The following SYNDIG1 variants were observed in gnomAD, a reference collection of about 807,000 sequenced individuals.
The protein encoded by SYNDIG1 is synapse differentiation inducing 1.
SYNDIG1 carries 9 observed loss-of-function variants against 19.4 expected under a neutral mutation model. The ratio of observed to expected loss-of-function variants is 0.46; its 90% CI spans 0.28 to 0.81. The LOEUF is 0.81. Ranked by LOEUF, SYNDIG1 falls within the 30% of genes least tolerant of loss-of-function variation. The pLI is 0.12. For missense variants in SYNDIG1, 311 were observed against 343.3 expected (o/e 0.91, Z 0.74); for synonymous variants, 141 against 145.9 (o/e 0.97, Z 0.24).
At chr20:24,537,124 G>A (rs949034539) in intron 1 of SYNDIG1, among the ~76,000 whole-genome samples, 3 of 151,824 alleles carry the variant, frequency 2.0e-5, no homozygotes, top group South Asian at 2.1e-4. Context: ...AATGAGACCC[G>A]CCCCTCCTAA....
At chr20:24,587,222 G>A (rs2058431718) in intron 3 of SYNDIG1, among the ~76,000 whole-genome samples, 1 of 152,210 alleles carries the variant, frequency 6.6e-6, no homozygotes, top group East Asian at 1.9e-4. Flanking sequence ...GGAGCTCTCA[G>A]GGCCGCTGGC....
intron 3 of SYNDIG1, among the ~76,000 whole-genome samples, chr20:24,654,236 G>A (rs1370775728): frequency 7.9e-5 from 12 of 151,744 alleles, no homozygotes. Flanking sequence ...TGACACTTGA[G>A]AGCGCCTCTA....
At chr20:24,580,433 C>T (rs562585296) in intron 2 of SYNDIG1, among the ~76,000 whole-genome samples, 39 of 152,196 alleles carry the variant, frequency 2.6e-4, no homozygotes, top group African/African-American at 8.2e-4. Context: ...ATTTTTGAGA[C>T]GGAGCCTCAC....
At chr20:24,582,421 C>A (rs777737854) in intron 2 of SYNDIG1, among the ~76,000 whole-genome samples, 25 of 146,084 alleles carry the variant, frequency 1.7e-4, no homozygotes, top group Non-Finnish European at 3.3e-4. Flanking sequence ...GCTGCACATC[C>A]TTTACCCTGC....
intron 1 of SYNDIG1, among the ~76,000 whole-genome samples, chr20:24,540,851 G>A (rs559981450): frequency 9.3e-4 from 141 of 152,238 alleles, no homozygotes; most frequent in African/African-American, 3.1e-3. Context: ...ATATGGGTCT[G>A]TAATGTTCCT....
intron 1 of SYNDIG1, among the ~76,000 whole-genome samples, chr20:24,476,662 TC>T (rs1205363332): frequency 1.3e-5 from 2 of 149,506 alleles, no homozygotes; most frequent in Non-Finnish European, 3.0e-5. Context: ...AGAGCAAGAC[TC>T]CAACTAAAAA....
intron 1 of SYNDIG1, among the ~76,000 whole-genome samples, chr20:24,531,617 TTA>T (rs2057261658): frequency 8.3e-6 from 1 of 120,460 alleles, no homozygotes; most frequent in South Asian, 2.9e-4. Context: ...CTATTAAACA[TTA>T]GAGACAATTT....
intron 1 of SYNDIG1, among the ~76,000 whole-genome samples, chr20:24,475,661 GTA>G (rs1236591137): frequency 6.6e-6 from 1 of 152,194 alleles, no homozygotes; most frequent in East Asian, 1.9e-4. Context: ...TGGAAACCCT[GTA>G]TTTGTGAGGA....
chr20:24,656,295 A>G (rs944194846), intron 3 of SYNDIG1, among the ~76,000 whole-genome samples: 2 of 152,238 alleles, frequency 1.3e-5, no homozygotes, highest in Non-Finnish European at 2.9e-5. Context: ...GTGTGTGACC[A>G]TTTACTGCTA....
rs997356698 is a variant in SYNDIG1 at position 24,580,629 on chromosome 20, G to A, written c.481-4227G>A. On this transcript the variant is annotated intron_variant, in intron 2 of 3. Transcript: ENST00000376862. ...TCACCATGTTGCCCAGGCGGGTCTC[G>A]AACTCCTGACCTCAAGTGATCCTTC... 2.0e-4 allele frequency among the ~76,000 whole-genome samples: 31 copies of A among 152,132 alleles called. No individual in the cohort carries two copies. In the East Asian group the frequency reaches 2.7e-3, roughly 13 times the overall value.
At chr20:24,553,874 C>T (rs2057758017) in intron 2 of SYNDIG1, among the ~76,000 whole-genome samples, 1 of 152,138 alleles carries the variant, frequency 6.6e-6, no homozygotes. Context: ...ATGGAGATGC[C>T]ATTGAATCTA....
intron 2 of SYNDIG1, among the ~76,000 whole-genome samples, chr20:24,578,132 C>G (rs188202830): frequency 6.6e-6 from 1 of 152,304 alleles, no homozygotes; most frequent in East Asian, 1.9e-4. Context: ...CAGATTTCTG[C>G]CCTCCTGGTG....
At chr20:24,657,222 T>A (rs1217526103) in intron 3 of SYNDIG1, among the ~76,000 whole-genome samples, 1 of 152,088 alleles carries the variant, frequency 6.6e-6, no homozygotes, top group Non-Finnish European at 1.5e-5. Flanking sequence ...GCAAATGGAG[T>A]AAATGATAGC....
At chr20:24,635,768 A>T (rs1214757326) in intron 3 of SYNDIG1, among the ~76,000 whole-genome samples, 1 of 152,080 alleles carries the variant, frequency 6.6e-6, no homozygotes, top group Non-Finnish European at 1.5e-5. Context: ...TCACGGCCAC[A>T]CAGTTAACCT....
intron 2 of SYNDIG1, among the ~76,000 whole-genome samples, chr20:24,565,625 G>A (rs954373939): frequency 1.3e-5 from 2 of 152,198 alleles, no homozygotes; most frequent in African/African-American, 4.8e-5. Flanking sequence ...TTAGTCCATT[G>A]TTGTGTCTCT....
chr20:24,538,049 G>T (rs983832931), intron 1 of SYNDIG1, among the ~76,000 whole-genome samples: 1 of 152,140 alleles, frequency 6.6e-6, no homozygotes, highest in Non-Finnish European at 1.5e-5. Flanking sequence ...TCTCCACATA[G>T]ATAGCTCTTC....
chr20:24,504,281 G>A (rs907446252), intron 1 of SYNDIG1, among the ~76,000 whole-genome samples: 3 of 152,172 alleles, frequency 2.0e-5, no homozygotes, highest in East Asian at 1.9e-4. Context: ...TATGCTTTGC[G>A]GACTTTCATT....
At chr20:24,569,968 C>T (rs927453912) in intron 2 of SYNDIG1, among the ~76,000 whole-genome samples, 1 of 152,140 alleles carries the variant, frequency 6.6e-6, no homozygotes, top group African/African-American at 2.4e-5. Context: ...CAGGTTGATG[C>T]CAGGAGTAAA....
At chr20:24,541,813 G>A (rs1286892677) in intron 1 of SYNDIG1, among the ~76,000 whole-genome samples, 1 of 152,228 alleles carries the variant, frequency 6.6e-6, no homozygotes, top group East Asian at 1.9e-4. Context: ...GGAATTGGAA[G>A]AACAGTAGCA....
Sources: gnomAD v4.1 joint callset for allele counts (sites outside exome capture counted in the v4.1 genomes callset) on GRCh38, gnomAD v4.1.1 for gene constraint, MANE v1.5 for transcripts, NCBI Gene and HGNC (gene_info 2026-07-23, HGNC 2026-07-21) for gene names.